VWA8: variants seen among roughly 807,000 people sequenced by gnomAD.
VWA8 encodes von Willebrand factor A domain-containing protein 8.
VWA8 carries 221 observed loss-of-function variants against 241.5 expected under a neutral mutation model. That is an observed-to-expected ratio of 0.91 (90% CI 0.82 to 1.02). VWA8 has a LOEUF of 1.02. Among genes scored for constraint, VWA8 ranks in the 50% least tolerant of loss-of-function variants. VWA8 has a pLI of 0.00. For synonymous variants in VWA8, 852 were observed against 827.1 expected (o/e 1.03, Z -0.52); for missense variants, 2,322 against 2,328.7 (o/e 1.00, Z 0.06).
chr13:41,645,590 G>A (rs2044826075), intron 37 of VWA8, among the ~76,000 whole-genome samples: 2 of 152,078 alleles, frequency 1.3e-5, no homozygotes, highest in African/African-American at 4.8e-5. Context: ...CTGAACTCCT[G>A]AAAACATGTT....
chr13:41,899,065 G>A (rs933942720), intron 4 of VWA8, among the ~76,000 whole-genome samples: 14 of 152,222 alleles, frequency 9.2e-5, no homozygotes, highest in Non-Finnish European at 1.6e-4. Flanking sequence ...CTCAAGTGCC[G>A]CCAAAGTGGG....
At chr13:41,882,801 A>G (rs1245765481) in intron 9 of VWA8, among the ~76,000 whole-genome samples, 1 of 151,418 alleles carries the variant, frequency 6.6e-6, no homozygotes, top group Admixed American at 6.6e-5. Context: ...GTGGAAAGAG[A>G]GGGAGAGGGA....
intron 44 of VWA8, among the ~76,000 whole-genome samples, chr13:41,568,643 T>C (rs2139627839): frequency 6.6e-6 from 1 of 152,388 alleles, no homozygotes; most frequent in South Asian, 2.1e-4. Context: ...GGGATTCATA[T>C]GGAATCAGCT....
In VWA8 at chr13:41,748,320, G is replaced by A. The variant is rs537128195; in HGVS notation, c.2426+12808C>T. The stretch of plus-strand genomic sequence containing the variant: ...AGAGATTCAACTTTTTCCTGGCTTA[G>A]TCTTGGGAGGGTGTATGTGTCGAGG... On this transcript the variant is annotated intron_variant, in intron 21 of 44. Transcript: ENST00000379310. Among the ~76,000 whole-genome samples the A allele has an allele frequency of 3.3e-5, 5 of 152,266 alleles. No homozygotes were observed. In the South Asian group the frequency reaches 1.0e-3, roughly 32 times the overall value.
intron 21 of VWA8, among the ~76,000 whole-genome samples, chr13:41,756,066 C>A (rs2045692926): frequency 6.6e-6 from 1 of 151,564 alleles, no homozygotes; most frequent in Non-Finnish European, 1.5e-5. Flanking sequence ...TATTAATAAA[C>A]CCCTGACAAA....
intron 38 of VWA8, among the ~76,000 whole-genome samples, chr13:41,612,654 C>T (rs1288422875): frequency 6.6e-6 from 1 of 152,180 alleles, no homozygotes; most frequent in East Asian, 1.9e-4. Context: ...ATTGTTACCC[C>T]TATTTAGGGG....
intron 12 of VWA8, among the ~76,000 whole-genome samples, chr13:41,838,774 G>T (rs930578256): frequency 6.6e-6 from 1 of 152,108 alleles, no homozygotes; most frequent in African/African-American, 2.4e-5. Flanking sequence ...GTATTAGTTT[G>T]CTGAGAATGA....
intron 21 of VWA8, among the ~76,000 whole-genome samples, chr13:41,753,312 CA>C (rs1258851288): frequency 3.3e-5 from 5 of 152,196 alleles, no homozygotes. Context: ...AAAACTCTGG[CA>C]GTATAAGTAT....
chr13:41,573,610 C>CACACATATATATATATATATATATAT (rs1555303639), intron 43 of VWA8, among the ~76,000 whole-genome samples: 1 of 140,190 alleles, frequency 7.1e-6, no homozygotes, highest in African/African-American at 2.8e-5. Context: ...TATATATACG[C>CACACATATATATATATATATATATAT]ATATATATGG....
intron 21 of VWA8, among the ~76,000 whole-genome samples, chr13:41,749,902 A>G (rs1472917316): frequency 6.6e-6 from 1 of 151,910 alleles, no homozygotes; most frequent in African/African-American, 2.4e-5. Flanking sequence ...GAGGGATAGC[A>G]TTAGGAGATA....
chr13:41,865,884 T>G lies in VWA8; in HGVS notation c.1347+18A>C. 6.2e-7 allele frequency: 1 copy of G among 1,614,210 alleles called. No homozygotes were observed. The highest frequency in any genetic ancestry group is 8.5e-7 in the Non-Finnish European group (1 of 1,180,004). On this transcript the variant is annotated intron_variant, in intron 11 of 44. Transcript: ENST00000379310. ...AAGCCAGGAAACTAAAAGTCTGCAG[T>G]GAGACTGTCATTCTTACCTTTCCTC...
At chr13:41,656,209 AATG>A (rs1194820544) in intron 37 of VWA8, among the ~76,000 whole-genome samples, 1 of 152,172 alleles carries the variant, frequency 6.6e-6, no homozygotes, top group East Asian at 1.9e-4. Context: ...CAGTTGAGGG[AATG>A]ATGACTTACA....
intron 26 of VWA8, among the ~76,000 whole-genome samples, chr13:41,710,359 T>C (rs897760242): frequency 7.2e-5 from 11 of 152,184 alleles, no homozygotes; most frequent in South Asian, 2.1e-4. Context: ...AATCATTCTG[T>C]GCTACTGCAT....
chr13:41,763,204 T>C (rs1277228524), intron 20 of VWA8, among the ~76,000 whole-genome samples: 1 of 151,822 alleles, frequency 6.6e-6, no homozygotes, highest in Non-Finnish European at 1.5e-5. Flanking sequence ...TGGAAGGATC[T>C]CTTGAACCTA....
intron 2 of VWA8, among the ~76,000 whole-genome samples, chr13:41,914,203 C>T (rs1876147452): frequency 6.6e-6 from 1 of 152,156 alleles, no homozygotes; most frequent in Non-Finnish European, 1.5e-5. Flanking sequence ...TAAAAGGACA[C>T]AGTACATAAG....
chr13:41,778,663 G>C (rs1593766110), intron 19 of VWA8, among the ~76,000 whole-genome samples: 1 of 58,378 alleles, frequency 1.7e-5, no homozygotes, highest in Non-Finnish European at 3.8e-5. Flanking sequence ...TTTAGGGCTG[G>C]GAAGAGATCT....
chr13:41,868,515 A>AT, intron 9 of VWA8, 38 bp from the exon 10 acceptor site: 1 of 1,592,352 alleles, frequency 6.3e-7, no homozygotes, highest in Non-Finnish European at 8.6e-7. Flanking sequence ...TTTACTTTTC[A>AT]TTTTAGCATT....
chr13:41,880,186 A>G (rs1027563774), intron 9 of VWA8, among the ~76,000 whole-genome samples: 1 of 152,254 alleles, frequency 6.6e-6, no homozygotes, highest in Non-Finnish European at 1.5e-5. Flanking sequence ...AAAGCTCTAT[A>G]GCAATTTCCA....
At chr13:41,753,174 G>A (rs886089640) in intron 21 of VWA8, among the ~76,000 whole-genome samples, 26 of 152,086 alleles carry the variant, frequency 1.7e-4, no homozygotes, top group Middle Eastern at 3.4e-3. Context: ...AGAAAGTTGG[G>A]GCTACCCTGG....
Sources: gnomAD v4.1 joint callset for allele counts (sites outside exome capture counted in the v4.1 genomes callset) on GRCh38, gnomAD v4.1.1 for gene constraint, MANE v1.5 for transcripts, NCBI Gene and HGNC (gene_info 2026-07-23, HGNC 2026-07-21) for gene names.